Variants in RAP1A observed in about 807,000 individuals in gnomAD.
RAP1A encodes RAP1A, member of RAS oncogene family.
RAP1A carries 6 observed loss-of-function variants against 26.4 expected under a neutral mutation model. The ratio of observed to expected loss-of-function variants is 0.23; its 90% CI spans 0.12 to 0.45. The LOEUF (loss-of-function observed/expected upper bound fraction) is 0.45, where lower values mean the gene tolerates loss of function less well. Among genes scored for constraint, RAP1A ranks in the 20% least tolerant of loss-of-function variants. The pLI, the probability that RAP1A is intolerant of heterozygous loss-of-function variation, is 0.99. For synonymous variants in RAP1A, 73 were observed against 79.4 expected, an observed-to-expected ratio of 0.92 and a Z score of 0.43; for missense variants, 121 against 217.2, an observed-to-expected ratio of 0.56 and a Z score of 2.78.
At chr1:111,606,790 C>T (rs1296160106) in intron 1 of RAP1A, among the ~76,000 whole-genome samples, 1 of 152,198 alleles carries the variant, frequency 6.6e-6, no homozygotes, top group Non-Finnish European at 1.5e-5. Flanking sequence ...ATTGTAACAG[C>T]TCAAAGATGT....
intron 1 of RAP1A, among the ~76,000 whole-genome samples, chr1:111,677,592 T>C (rs768172221): frequency 1.2e-4 from 18 of 152,210 alleles, no homozygotes; most frequent in Non-Finnish European, 2.4e-4. Flanking sequence ...TTCACTAACA[T>C]AATTGGCAAG....
intron 1 of RAP1A, chr1:111,649,499 T>C: frequency 3.3e-6 from 1 of 304,714 alleles, no homozygotes; most frequent in Non-Finnish European, 6.5e-6. Context: ...TTGACAGAGC[T>C]TAGGGACTGG....
At chr1:111,636,505 C>T (rs1179763910) in intron 1 of RAP1A, among the ~76,000 whole-genome samples, 6 of 144,852 alleles carry the variant, frequency 4.1e-5, no homozygotes, top group Non-Finnish European at 7.5e-5. Context: ...TTTTTGGAGA[C>T]GGAGTTTCGT....
At chr1:111,703,509 C>A in intron 5 of RAP1A, 33 bp downstream of exon 5, 1 of 1,510,666 alleles carries the variant, frequency 6.6e-7, no homozygotes, top group Non-Finnish European at 8.9e-7. Context: ...AGATGTTATG[C>A]CATCTCTCTG....
chr1:111,614,069 G>C (rs1052055046), intron 1 of RAP1A, among the ~76,000 whole-genome samples: 2 of 152,148 alleles, frequency 1.3e-5, no homozygotes, highest in Admixed American at 1.3e-4. Flanking sequence ...CCTGCTTTCA[G>C]GGAACTTAAA....
Position 111,621,630 on chromosome 1 carries a change from A to C in RAP1A, c.-28+1696A>C, listed in dbSNP as rs1659205873. ...GAGGTACCCTATATTAGGATACTGC[A>C]GTCCATTTCCAGTTTGTAAGATAGT... On this transcript the variant is annotated intron_variant, in intron 1 of 7. Coordinates refer to ENST00000369709, the MANE Select transcript of RAP1A (RefSeq NM_002884.4). Among the ~76,000 whole-genome samples the C allele has an allele frequency of 2.0e-5, 3 of 152,220 alleles. No individual in the cohort carries two copies. The South Asian group carries it at 6.2e-4, about 32-fold the overall frequency.
intron 1 of RAP1A, among the ~76,000 whole-genome samples, chr1:111,620,167 C>T (rs964222219): frequency 6.6e-6 from 1 of 152,176 alleles, no homozygotes; most frequent in African/African-American, 2.4e-5. Context: ...CGCGGACCGA[C>T]CCGGTCGACT....
chr1:111,572,060 A>T (rs975118086), intron 1 of RAP1A, among the ~76,000 whole-genome samples: 1 of 152,202 alleles, frequency 6.6e-6, no homozygotes, highest in Non-Finnish European at 1.5e-5. Flanking sequence ...CATATGCAGA[A>T]GCTTGCCAGA....
chr1:111,651,016 A>G lies in RAP1A; in HGVS notation c.-28+31082A>G, dbSNP rs183616417. ...ATGGAGTTTCACCATGTTAGCCAGG[A>G]TGGTCTCGATCTCCTGACCTCGTGA... is the stretch of plus-strand genomic sequence containing the variant. On this transcript the variant is annotated intron_variant, in intron 1 of 7. Coordinates refer to ENST00000369709, the MANE Select transcript of RAP1A (RefSeq NM_002884.4). Among the ~76,000 whole-genome samples, 822 of 152,070 alleles carry G rather than the reference A, an allele frequency of 5.4e-3. 7 individuals are homozygous for G. The highest frequency in any genetic ancestry group is 0.019 in the African/African-American group (770 of 41,450).
intron 1 of RAP1A, among the ~76,000 whole-genome samples, chr1:111,577,951 T>C (rs1557856265): frequency 1.3e-5 from 2 of 152,168 alleles, no homozygotes; most frequent in East Asian, 3.8e-4. Flanking sequence ...AAAGACACAG[T>C]CTTTGCACGT....
chr1:111,614,221 A>G (rs1557865808), intron 1 of RAP1A, among the ~76,000 whole-genome samples: 2 of 152,362 alleles, frequency 1.3e-5, no homozygotes, highest in East Asian at 3.9e-4. Context: ...GACTAATAAT[A>G]CGTACTTTAA....
intron 1 of RAP1A, among the ~76,000 whole-genome samples, chr1:111,666,504 A>G (rs928636295): frequency 5.9e-5 from 9 of 152,320 alleles, no homozygotes; most frequent in Admixed American, 1.3e-4. Context: ...CATTGAATGT[A>G]AGAACTCAGA....
chr1:111,646,017 GA>G (rs900795964), intron 1 of RAP1A, among the ~76,000 whole-genome samples: 5 of 151,978 alleles, frequency 3.3e-5, no homozygotes, highest in African/African-American at 4.8e-5. Flanking sequence ...ATCAGGTGCT[GA>G]AAAAAAGATA....
At chr1:111,707,118 T>G (rs983768523) in intron 6 of RAP1A, among the ~76,000 whole-genome samples, 1 of 152,268 alleles carries the variant, frequency 6.6e-6, no homozygotes, top group South Asian at 2.1e-4. Context: ...AGAAATAAGA[T>G]GACAGAGAGT....
chr1:111,695,506 A>G, intron 3 of RAP1A, 97 bp downstream of exon 3: 1 of 792,600 alleles, frequency 1.3e-6, no homozygotes, highest in Non-Finnish European at 1.9e-6. Flanking sequence ...GTTTTGAGAA[A>G]TAATACAAAT....
intron 1 of RAP1A, among the ~76,000 whole-genome samples, chr1:111,569,079 G>A (rs1235570672): frequency 2.0e-5 from 3 of 152,134 alleles, no homozygotes; most frequent in Non-Finnish European, 2.9e-5. Context: ...ACTGTAGACT[G>A]TTAGTAGTTA....
At chr1:111,611,755 A>G (rs1658930459) in intron 1 of RAP1A, among the ~76,000 whole-genome samples, 1 of 152,212 alleles carries the variant, frequency 6.6e-6, no homozygotes, top group South Asian at 2.1e-4. Context: ...GTGACTCCAG[A>G]GCCTACATGT....
At chr1:111,608,835 A>AGCCGAGATGGCAGCAGTAC (rs1658867019) in intron 1 of RAP1A, 1 of 154,004 alleles carries the variant, frequency 6.5e-6, no homozygotes, top group South Asian at 2.0e-4. Context: ...GGCTGCAGTG[A>AGCCGAGATGGCAGCAGTAC]GCCGAGATGG....
intron 1 of RAP1A, among the ~76,000 whole-genome samples, chr1:111,674,410 C>T (rs1477322277): frequency 1.3e-5 from 2 of 152,082 alleles, no homozygotes; most frequent in African/African-American, 2.4e-5. Flanking sequence ...TTTAAAGGCT[C>T]ACCCAGTTCT....
Sources: allele counts gnomAD v4.1 joint callset (sites outside exome capture counted in the v4.1 genomes callset), GRCh38; gene constraint gnomAD v4.1.1; transcripts MANE v1.5; gene names NCBI Gene and HGNC (gene_info 2026-07-23, HGNC 2026-07-21).